Variants in HMCN1 observed in about 807,000 individuals in gnomAD.
The protein encoded by HMCN1 is hemicentin-1.
Under a neutral mutation model 625.9 loss-of-function variants are expected in HMCN1, and 321 were observed. The observed-to-expected ratio is 0.51, with a 90% CI of 0.47 to 0.56. HMCN1 has a LOEUF of 0.56. HMCN1 is among the 20% of genes least tolerant of loss of function. The pLI is 0.00. For missense variants in HMCN1, 6,588 were observed against 6,887.3 expected (o/e 0.96, Z 1.54); for synonymous variants, 2,425 against 2,417.6 (o/e 1.00, Z -0.09).
At chr1:185,759,571 T>C (rs1655354370) in intron 1 of HMCN1, among the ~76,000 whole-genome samples, 1 of 152,242 alleles carries the variant, frequency 6.6e-6, no homozygotes, top group Non-Finnish European at 1.5e-5. Context: ...TATGTGCTTA[T>C]TGCAAATGCT....
At chr1:185,946,938 T>C (rs60792924) in intron 11 of HMCN1, among the ~76,000 whole-genome samples, 8 of 152,234 alleles carry the variant, frequency 5.3e-5, no homozygotes, top group Non-Finnish European at 2.9e-5. Context: ...ATTAAGAGTC[T>C]GTCATTAAAA....
At chr1:186,126,417 T>G (rs1195829721) in intron 82 of HMCN1, among the ~76,000 whole-genome samples, 1 of 151,482 alleles carries the variant, frequency 6.6e-6, no homozygotes, top group Non-Finnish European at 1.5e-5. Context: ...AAGGAGACAA[T>G]AAAAATGAAA....
At chr1:185,974,973 G>A (rs1304865113) in intron 15 of HMCN1, among the ~76,000 whole-genome samples, 1 of 152,074 alleles carries the variant, frequency 6.6e-6, no homozygotes. Context: ...TTTCACTGAT[G>A]CCTGTGTTGT....
chr1:185,975,823 T>C (rs919356741), intron 15 of HMCN1, among the ~76,000 whole-genome samples: 4 of 151,984 alleles, frequency 2.6e-5, no homozygotes, highest in Non-Finnish European at 5.9e-5. Context: ...ATAAGAGGGC[T>C]CTGAAATTGC....
chr1:186,181,215 T>TTTGG (rs1263080141), intron 104 of HMCN1, among the ~76,000 whole-genome samples: 1 of 152,150 alleles, frequency 6.6e-6, no homozygotes, highest in African/African-American at 2.4e-5. Flanking sequence ...GAATCAACAC[T>TTTGG]TTGGTTAACT....
At position 186,087,276 on chromosome 1, in the gene HMCN1, A is replaced by G. The variant is rs968121817; in HGVS notation, c.9106A>G (p.Ile3036Val). 1.2e-6 allele frequency: 2 copies of G among 1,613,200 alleles called. No homozygotes were observed. Among genetic ancestry groups the G allele is most frequent in the African/African-American group, 2.7e-5 (2 of 74,874 alleles). Reference sequence around the variant, plus strand: ...ATCAGATGGTGGTGAATACACTTGTATAGCTATCAATCAAGCTGGCGAAAG... The same window carrying G: ...ATCAGATGGTGGTGAATACACTTGTGTAGCTATCAATCAAGCTGGCGAAAG... ...KVSDGGEYTC[I>V]AINQAGESKK... The change falls in exon 59 of 107, where the codon ATA (isoleucine) becomes GTA (valine). Residue 3036 changes from isoleucine to valine, a missense_variant. Physicochemically the swap from Ile to Val is conservative, Grantham distance 29 (BLOSUM62 3). Coordinates refer to ENST00000271588, the MANE Select transcript of HMCN1 (RefSeq NM_031935.3).
intron 100 of HMCN1, among the ~76,000 whole-genome samples, chr1:186,169,977 GAAAAA>G (rs1178279731): frequency 3.1e-5 from 4 of 129,222 alleles, no homozygotes; most frequent in African/African-American, 1.1e-4. Flanking sequence ...AAATTTACAA[GAAAAA>G]AAAAAAACCA....
intron 41 of HMCN1, among the ~76,000 whole-genome samples, chr1:186,047,707 A>G (rs1041861898): frequency 2.6e-5 from 4 of 152,098 alleles, no homozygotes; most frequent in Non-Finnish European, 4.4e-5. Flanking sequence ...CCTGCCACGA[A>G]TTTGTGACTC....
chr1:186,151,223 A>G lies in HMCN1; in HGVS notation c.14632A>G (p.Ser4878Gly). The G allele has an allele frequency of 6.2e-7, 1 of 1,613,750 alleles. No individual in the cohort carries two copies. The highest frequency in any genetic ancestry group is 8.5e-7 in the Non-Finnish European group (1 of 1,179,762). ...AGGTGGGCCCCAGCGAGCCAGAGGAAGTGTTATTGGAAATATTAATGATGT... is the reference window on the plus strand; with the variant it reads ...AGGTGGGCCCCAGCGAGCCAGAGGAGGTGTTATTGGAAATATTAATGATGT... ...CPGGPQRARG[S>G]VIGNINDVEF... The change falls in exon 94 of 107, where the codon AGT becomes GGT. Residue 4878 changes from serine to glycine, a missense_variant. Ser to Gly is a moderately conservative substitution (Grantham distance 56, BLOSUM62 0). Around this residue, in one of 3 missense-constraint regions of HMCN1, gnomAD observed 1,954 missense variants for 2,013.1 expected, o/e 0.97. Transcript: ENST00000271588.
intron 68 of HMCN1, among the ~76,000 whole-genome samples, chr1:186,098,642 AAGAAT>A (rs977130456): frequency 6.6e-6 from 1 of 152,100 alleles, no homozygotes; most frequent in African/African-American, 2.4e-5. Flanking sequence ...TAAAAAAATT[AAGAAT>A]AGAACTACCA....
intron 29 of HMCN1, among the ~76,000 whole-genome samples, chr1:186,005,113 A>C (rs558352115): frequency 6.7e-6 from 1 of 150,136 alleles, no homozygotes; most frequent in East Asian, 2.0e-4. Flanking sequence ...AATTGTTTAT[A>C]AATGTTTATA....
intron 1 of HMCN1, among the ~76,000 whole-genome samples, chr1:185,835,641 T>C (rs949098941): frequency 2.6e-5 from 4 of 152,106 alleles, no homozygotes; most frequent in African/African-American, 9.7e-5. Context: ...TCTGAACTTC[T>C]TCATATTAGA....
chr1:185,872,556 G>T (rs2102373359), intron 4 of HMCN1, among the ~76,000 whole-genome samples: 1 of 152,172 alleles, frequency 6.6e-6, no homozygotes, highest in Non-Finnish European at 1.5e-5. Flanking sequence ...TGGGGGGAGA[G>T]GATGGATGGA....
chr1:186,178,888 C>A, intron 104 of HMCN1, 122 bp downstream of exon 104: 1 of 764,680 alleles, frequency 1.3e-6, no homozygotes, highest in Non-Finnish European at 2.3e-6. Flanking sequence ...CGGAATGACT[C>A]AAAATTTCAA....
intron 1 of HMCN1, among the ~76,000 whole-genome samples, chr1:185,819,034 C>T (rs888508563): frequency 5.3e-5 from 8 of 151,438 alleles, no homozygotes; most frequent in African/African-American, 9.7e-5. Context: ...GTCAGGAGTT[C>T]GAGACCAGCC....
chr1:186,161,697 T>A (rs887379248), intron 97 of HMCN1, among the ~76,000 whole-genome samples: 2 of 152,230 alleles, frequency 1.3e-5, no homozygotes. Context: ...TTTGGCTGGA[T>A]ATGAAATTCT....
At chr1:185,747,020 T>G (rs1278667606) in intron 1 of HMCN1, among the ~76,000 whole-genome samples, 1 of 152,192 alleles carries the variant, frequency 6.6e-6, no homozygotes, top group Non-Finnish European at 1.5e-5. Context: ...AAGGTCACAT[T>G]TTGAGGTGCT....
chr1:185,982,162 C>T (rs1467313932), intron 17 of HMCN1, 100 bp from the exon 18 acceptor site: 3 of 1,221,972 alleles, frequency 2.5e-6, no homozygotes, highest in Admixed American at 3.4e-5. Flanking sequence ...AAAACTCAAA[C>T]TTTTATAGCA....
chr1:186,172,590 G>C (rs1010278723), intron 102 of HMCN1, among the ~76,000 whole-genome samples: 2 of 152,042 alleles, frequency 1.3e-5, no homozygotes, highest in Non-Finnish European at 2.9e-5. Flanking sequence ...TTTATGCTTT[G>C]CCTGTCTAGT....
Sources: gnomAD v4.1 joint callset for allele counts (sites outside exome capture counted in the v4.1 genomes callset) on GRCh38, gnomAD v4.1.1 for gene constraint, gnomAD v4.1.1 regional missense constraint, MANE v1.5 for transcripts, NCBI Gene and HGNC (gene_info 2026-07-23, HGNC 2026-07-21) for gene names.